TGFB2: variants seen among roughly 807,000 people sequenced by gnomAD.
TGFB2 encodes transforming growth factor beta 2.
A neutral mutation model predicts 42.7 loss-of-function variants in TGFB2; 13 were observed. The observed-to-expected ratio is 0.30, with a 90% CI of 0.20 to 0.48. The LOEUF (loss-of-function observed/expected upper bound fraction) is 0.48. Ranked by LOEUF, TGFB2 falls within the 20% of genes least tolerant of loss-of-function variation. The pLI is 0.99. For missense variants in TGFB2, 390 were observed against 517.5 expected (o/e 0.75, Z 2.39); for synonymous variants, 193 against 193.6 (o/e 1.00, Z 0.03).
intron 1 of TGFB2, among the ~76,000 whole-genome samples, chr1:218,349,679 T>A (rs1326664800): frequency 6.6e-6 from 1 of 152,258 alleles, no homozygotes; most frequent in African/African-American, 2.4e-5. Context: ...TAGCCCTTTG[T>A]GGGACATTTT....
chr1:218,428,105 T>C (rs1296644105), intron 2 of TGFB2, among the ~76,000 whole-genome samples: 1 of 152,258 alleles, frequency 6.6e-6, no homozygotes, highest in Admixed American at 6.5e-5. Flanking sequence ...CATTTTTTCA[T>C]GTATCTGTTG....
intron 1 of TGFB2, among the ~76,000 whole-genome samples, chr1:218,370,421 A>G (rs964528314): frequency 3.9e-5 from 6 of 152,186 alleles, no homozygotes; most frequent in African/African-American, 1.4e-4. Flanking sequence ...CTTTGAAAAA[A>G]TTGATGTATT....
chr1:218,355,253 T>G (rs1393421731), intron 1 of TGFB2, among the ~76,000 whole-genome samples: 1 of 152,212 alleles, frequency 6.6e-6, no homozygotes, highest in African/African-American at 2.4e-5. Flanking sequence ...TTGATAAATT[T>G]TATTGATAGG....
At chr1:218,366,519 C>G (rs2102549239) in intron 1 of TGFB2, among the ~76,000 whole-genome samples, 1 of 152,228 alleles carries the variant, frequency 6.6e-6, no homozygotes, top group Non-Finnish European at 1.5e-5. Context: ...CTATATTGCC[C>G]AGGCTGGGCT....
chr1:218,420,351 A>T (rs1285048253), intron 2 of TGFB2, among the ~76,000 whole-genome samples: 1 of 152,156 alleles, frequency 6.6e-6, no homozygotes. Flanking sequence ...GTCTATACTG[A>T]TGTGGCTTTA....
At position 218,442,211 on chromosome 1, in the gene TGFB2, T is replaced by C. The variant is rs1660176434; in HGVS notation, c.*849T>C. The stretch of plus-strand genomic sequence containing the variant: ...GTCAGTTTAGTAAACCAGTGAAATG[T>C]TGAAATGTTTTGACATGTACTGGTC... On this transcript the variant is annotated 3_prime_UTR_variant, in exon 7 of 7. Coordinates refer to ENST00000366930, the MANE Select transcript of TGFB2 (RefSeq NM_003238.6). 6.6e-6 allele frequency: 1 copy of C among 152,140 alleles called. No individual in the cohort carries two copies. The highest frequency in any genetic ancestry group is 1.5e-5 in the Non-Finnish European group (1 of 68,002). The allele number at this position is 152,140 out of a possible 1,614,324, so 9.4% of individuals were successfully genotyped here.
At chr1:218,397,496 T>G (rs1658560504) in intron 1 of TGFB2, among the ~76,000 whole-genome samples, 1 of 142,390 alleles carries the variant, frequency 7.0e-6, no homozygotes, top group African/African-American at 2.7e-5. Context: ...CCCGGGAGGC[T>G]GAGCTTGCAG....
At chr1:218,398,657 G>A (rs1027805318) in intron 1 of TGFB2, among the ~76,000 whole-genome samples, 6 of 151,510 alleles carry the variant, frequency 4.0e-5, no homozygotes, top group South Asian at 2.1e-4. Context: ...GTGCAATCTC[G>A]GCTCGCTGCA....
At chr1:218,438,567 A>G (rs1660046374) in intron 6 of TGFB2, among the ~76,000 whole-genome samples, 1 of 152,196 alleles carries the variant, frequency 6.6e-6, no homozygotes. Context: ...TGACTTGAAA[A>G]TTCGTTTCTC....
intron 1 of TGFB2, among the ~76,000 whole-genome samples, chr1:218,365,793 G>A (rs1048561501): frequency 3.9e-5 from 6 of 152,128 alleles, no homozygotes; most frequent in Non-Finnish European, 8.8e-5. Context: ...CTGAACACTC[G>A]TTAAGTGAAG....
chr1:218,434,818 C>T (rs1659919644), intron 4 of TGFB2, among the ~76,000 whole-genome samples: 1 of 152,142 alleles, frequency 6.6e-6, no homozygotes. Context: ...ATCCCCCAAA[C>T]CAAATGTCAG....
intron 2 of TGFB2, among the ~76,000 whole-genome samples, chr1:218,406,183 C>T (rs1423794008): frequency 3.7e-5 from 5 of 136,338 alleles, no homozygotes; most frequent in Non-Finnish European, 6.1e-5. Context: ...CTCCAGTCTA[C>T]CCACTCAATA....
chr1:218,363,603 A>G (rs1657289754), intron 1 of TGFB2, among the ~76,000 whole-genome samples: 1 of 152,220 alleles, frequency 6.6e-6, no homozygotes, highest in African/African-American at 2.4e-5. Flanking sequence ...AAAACTGATG[A>G]ATAGCTTTGA....
chr1:218,392,734 A>T (rs1236887892), intron 1 of TGFB2, among the ~76,000 whole-genome samples: 1 of 152,268 alleles, frequency 6.6e-6, no homozygotes, highest in African/African-American at 2.4e-5. Context: ...GAAATTGAAC[A>T]TCAGCTGTCT....
intron 2 of TGFB2, among the ~76,000 whole-genome samples, chr1:218,415,648 C>T (rs1031875518): frequency 7.6e-6 from 1 of 131,554 alleles, no homozygotes; most frequent in Non-Finnish European, 1.5e-5. Context: ...TGAGCCCAGA[C>T]TGTGTCACTG....
rs148765724 is a variant in TGFB2, at chr1:218,346,364, T to A, written c.-338T>A. 7.4e-4 allele frequency: 160 copies of A among 215,074 alleles called. 1 individual carries two copies. The highest frequency in any genetic ancestry group is 1.1e-3 in the Non-Finnish European group (125 of 110,064). 13.3% of individuals were successfully genotyped at this position (215,074 alleles called of 1,614,324 possible). On this transcript the variant is annotated 5_prime_UTR_variant, in exon 1 of 7. Transcript: ENST00000366930. The surrounding 1 kb of genome is among the most constrained non-coding windows in gnomAD (Gnocchi z 4.9). ...ACACACTGAACTCCACTTCCTCCTCTTAAATTTATTTCTACTTAATAGCCA... is the reference window on the plus strand; with the variant it reads ...ACACACTGAACTCCACTTCCTCCTCATAAATTTATTTCTACTTAATAGCCA...
rs1657063056 is a variant in TGFB2, at chr1:218,357,139, G to T, written c.346+10092G>T. 2.0e-5 allele frequency among the ~76,000 whole-genome samples: 3 copies of T among 151,976 alleles called. 1 individual carries two copies. The South Asian group carries it at 6.3e-4, about 32-fold the overall frequency. On this transcript the variant is annotated intron_variant, in intron 1 of 6. Coordinates refer to ENST00000366930, the MANE Select transcript of TGFB2 (RefSeq NM_003238.6). The stretch of plus-strand genomic sequence containing the variant: ...AGGCAGGAGAATTGCTCGAACCCGG[G>T]AGGCAGAGGTTGCAGTGAGCCGAGA...
chr1:218,433,070 T>C (rs983980660), intron 2 of TGFB2, among the ~76,000 whole-genome samples: 1 of 151,824 alleles, frequency 6.6e-6, no homozygotes, highest in Admixed American at 6.6e-5. Flanking sequence ...AACTTTTTCT[T>C]TATTTTTTTT....
At chr1:218,427,077 C>T (rs6658473) in intron 2 of TGFB2, among the ~76,000 whole-genome samples, 50,394 of 151,926 alleles carry the variant, frequency 0.33, 9,123 homozygotes, top group East Asian at 0.71. Context: ...GTCTCTCTCA[C>T]ACCTAAAATT....
Sources: gnomAD v4.1 joint callset for allele counts (sites outside exome capture counted in the v4.1 genomes callset) on GRCh38, gnomAD v4.1.1 for gene constraint, Gnocchi (gnomAD v3.1) non-coding constraint, MANE v1.5 for transcripts, NCBI Gene and HGNC (gene_info 2026-07-23, HGNC 2026-07-21) for gene names.